Variants in TCF25 observed in about 807,000 individuals in gnomAD.
The protein encoded by TCF25 is ribosome quality control complex subunit TCF25.
TCF25 carries 41 observed loss-of-function variants against 83.1 expected under a neutral mutation model. That is an observed-to-expected ratio of 0.49 (90% CI 0.38 to 0.64). The LOEUF (loss-of-function observed/expected upper bound fraction) is 0.64. Ranked by LOEUF, TCF25 falls within the 30% of genes least tolerant of loss-of-function variation. The pLI is 0.00. For synonymous variants in TCF25, 458 were observed against 365.0 expected (o/e 1.25, Z -2.90); for missense variants, 979 against 914.5 (o/e 1.07, Z -0.91).
chr16:89,909,058 C>T (rs72813437), intron 16 of TCF25: 54,631 of 1,289,442 alleles, frequency 0.042, 2,016 homozygotes, highest in African/African-American at 0.16. Flanking sequence ...AATGTACAAG[C>T]GCTTGCGTGT....
intron 15 of TCF25, among the ~76,000 whole-genome samples, chr16:89,906,857 C>T (rs1001374724): frequency 6.6e-6 from 1 of 152,074 alleles, no homozygotes; most frequent in Non-Finnish European, 1.5e-5. Flanking sequence ...AGAGTGGCAG[C>T]ACGTGGCACT....
chr16:89,905,265 C>T lies in TCF25; in HGVS notation c.1628+169C>T, dbSNP rs1403392354. On this transcript the variant is annotated intron_variant, in intron 14 of 17. Coordinates refer to ENST00000263346, the MANE Select transcript of TCF25 (RefSeq NM_014972.3). Reference sequence around the variant, plus strand: ...GACAGCGCACAGCCCCTGGCGTGTCCCAGAGGCTTCCTGGGAGGCAGCTGT... The same window carrying T: ...GACAGCGCACAGCCCCTGGCGTGTCTCAGAGGCTTCCTGGGAGGCAGCTGT... Among the ~76,000 whole-genome samples, 7 of 152,156 alleles carry T rather than the reference C, an allele frequency of 4.6e-5. No individual in the cohort carries two copies. The East Asian group carries it at 1.2e-3, about 25-fold the overall frequency.
chr16:89,883,701 G>A, intron 2 of TCF25, 189 bp downstream of exon 2: 1 of 656,828 alleles, frequency 1.5e-6, no homozygotes, highest in South Asian at 1.9e-5. Context: ...GAAGGTCGCA[G>A]GCCTTTCTCC....
rs373384235 is a variant in TCF25, at chr16:89,910,720, C to T, written c.1872+57C>T. 2.6e-6 allele frequency: 4 copies of T among 1,561,312 alleles called. No individual in the cohort carries two copies. In the African/African-American group the frequency reaches 5.4e-5, roughly 21 times the overall value. On this transcript the variant is annotated intron_variant, in intron 17 of 17. Transcript: ENST00000263346. ...CCAGTGGGTGCGGGCATATCCATTC[C>T]AGTGCGAATGCCTGGAGCCTCCTTG...
chr16:89,887,122 C>T (rs1299342946), intron 4 of TCF25, among the ~76,000 whole-genome samples: 1 of 152,010 alleles, frequency 6.6e-6, no homozygotes, highest in East Asian at 1.9e-4. Flanking sequence ...CAGCCTCGAC[C>T]TCCTGGGCTC....
rs760922206 is a variant in TCF25 at position 89,895,983 on chromosome 16, C to T, written c.929-7C>T. The T allele has an allele frequency of 6.2e-7, 1 of 1,613,164 alleles. No individual in the cohort carries two copies. Among genetic ancestry groups the T allele is most frequent in the South Asian group, 1.1e-5 (1 of 91,018 alleles). ...GACACCCTCCCCTGGCGTCCCTGTG[C>T]CCACAGAGAGAGCGCTGTACAGCAT... On this transcript the variant is annotated splice_region_variant and splice_polypyrimidine_tract_variant and intron_variant, in intron 8 of 17. Coordinates refer to ENST00000263346, the MANE Select transcript of TCF25 (RefSeq NM_014972.3).
At chr16:89,893,352 C>T (rs191261955) in intron 6 of TCF25, among the ~76,000 whole-genome samples, 108 of 152,362 alleles carry the variant, frequency 7.1e-4, no homozygotes, top group Middle Eastern at 3.4e-3. Flanking sequence ...ACAGCCACCC[C>T]GGACATTCTC....
At position 89,893,638 on chromosome 16, in the gene TCF25, A is replaced by G. The variant is rs2144120247; in HGVS notation, c.698-90A>G. ...AGTTTGTCGATATCGCAGAGGCCTCATCCAGAACACCACGAAGGTGAGGGC... is the reference window on the plus strand; with the variant it reads ...AGTTTGTCGATATCGCAGAGGCCTCGTCCAGAACACCACGAAGGTGAGGGC... On this transcript the variant is annotated intron_variant, in intron 6 of 17. Transcript: ENST00000263346. 4 of 1,599,076 alleles carry G rather than the reference A, an allele frequency of 2.5e-6. 1 individual carries two copies. Among genetic ancestry groups the G allele is most frequent in the Middle Eastern group, 4.4e-4 (2 of 4,512 alleles).
At chr16:89,905,664 C>T (rs547904819) in intron 14 of TCF25, among the ~76,000 whole-genome samples, 7 of 152,362 alleles carry the variant, frequency 4.6e-5, no homozygotes, top group South Asian at 2.1e-4. Context: ...CTGTGTGCCG[C>T]GGACATGAGG....
In TCF25 at chr16:89,895,609, C is replaced by T. The variant is rs569507191; in HGVS notation, c.929-381C>T. On this transcript the variant is annotated intron_variant, in intron 8 of 17. Transcript: ENST00000263346. ...GCTTAGTAATACTCCACTGTGTGGA[C>T]GGACCACATGTTGTGTATCCATCAT... 4.6e-5 allele frequency among the ~76,000 whole-genome samples: 7 copies of T among 152,370 alleles called. No homozygotes were observed. The East Asian group carries it at 5.8e-4, about 13-fold the overall frequency.
At chr16:89,893,893 G>A in intron 7 of TCF25, 35 bp downstream of exon 7, 4 of 1,575,126 alleles carry the variant, frequency 2.5e-6, no homozygotes, top group African/African-American at 1.4e-5. Flanking sequence ...CAGGAGCAGG[G>A]GCCATGTAGC....
intron 16 of TCF25, among the ~76,000 whole-genome samples, chr16:89,908,389 CTTCCAGT>C (rs1305955883): frequency 1.4e-5 from 2 of 145,216 alleles, no homozygotes. Flanking sequence ...CACCTCCCTC[CTTCCAGT>C]TTCCACCTCC....
chr16:89,906,121 C>G, intron 14 of TCF25, 73 bp from the exon 15 acceptor site: 1 of 1,339,722 alleles, frequency 7.5e-7, no homozygotes, highest in Non-Finnish European at 1.0e-6. Context: ...GGGGTGGGGG[C>G]CGAGGCTCCA....
At chr16:89,894,820 T>G (rs2043722904) in intron 7 of TCF25, 1 of 413,236 alleles carries the variant, frequency 2.4e-6, no homozygotes, top group South Asian at 2.6e-5. Flanking sequence ...AATTTTTGTA[T>G]TTTTATTAGA....
At chr16:89,878,433 C>CTTTTT in intron 1 of TCF25, 12 of 862,006 alleles carry the variant, frequency 1.4e-5, no homozygotes, top group Non-Finnish European at 1.9e-5. Context: ...TAAAAATCAC[C>CTTTTT]ATTTTTTTTT....
chr16:89,909,427 T>C (rs1478453564), intron 16 of TCF25: 4 of 241,852 alleles, frequency 1.7e-5, no homozygotes, highest in South Asian at 9.9e-5. Flanking sequence ...AGGAAAATTG[T>C]TTGAACCCGG....
intron 9 of TCF25, among the ~76,000 whole-genome samples, chr16:89,898,238 A>G (rs1370924315): frequency 6.6e-6 from 1 of 151,988 alleles, no homozygotes; most frequent in Non-Finnish European, 1.5e-5. Flanking sequence ...CACGTAGAAA[A>G]TGCCAGCAGA....
Position 89,878,797 on chromosome 16 carries a change from C to T in TCF25, c.193-4554C>T, listed in dbSNP as rs536725446. Among the ~76,000 whole-genome samples, 32 of 152,290 alleles carry T rather than the reference C, an allele frequency of 2.1e-4. No individual in the cohort carries two copies. In the South Asian group the frequency reaches 6.4e-3, roughly 31 times the overall value. On this transcript the variant is annotated intron_variant, in intron 1 of 17. Coordinates refer to ENST00000263346, the MANE Select transcript of TCF25 (RefSeq NM_014972.3). ...CTGGGACTACAGGCGCCCACCACCA[C>T]GCCCGGCAAGTTTTTTTGTATTTTT...
At chr16:89,891,199 T>A (rs1449052409) in intron 5 of TCF25, among the ~76,000 whole-genome samples, 1 of 152,220 alleles carries the variant, frequency 6.6e-6, no homozygotes, top group Non-Finnish European at 1.5e-5. Context: ...GGGTCTGTTC[T>A]GGAGGCTTCC....
Sources: allele counts gnomAD v4.1 joint callset (sites outside exome capture counted in the v4.1 genomes callset), GRCh38; gene constraint gnomAD v4.1.1; transcripts MANE v1.5; gene names NCBI Gene and HGNC (gene_info 2026-07-23, HGNC 2026-07-21).